The following PKD2L1 variants were observed in gnomAD, a reference collection of about 807,000 sequenced individuals.
PKD2L1 encodes polycystin 2 like 1, transient receptor potential cation channel.
Under a neutral mutation model 93.0 loss-of-function variants are expected in PKD2L1, and 77 were observed. The ratio of observed to expected loss-of-function variants is 0.83; its 90% CI spans 0.69 to 1.00. The LOEUF is 1.00. Ranked by LOEUF, PKD2L1 falls within the 50% of genes least tolerant of loss-of-function variation. PKD2L1 has a pLI of 0.00. For synonymous variants in PKD2L1, 390 were observed against 388.0 expected, an observed-to-expected ratio of 1.01 and a Z score of -0.06; for missense variants, 977 against 990.9, an observed-to-expected ratio of 0.99 and a Z score of 0.19.
chr10:100,289,151 A>G (rs1848347639), intron 14 of PKD2L1, 95 bp from the exon 15 acceptor site: 3 of 834,284 alleles, frequency 3.6e-6, no homozygotes, highest in South Asian at 1.7e-5. Flanking sequence ...TCAGACTGCT[A>G]TAGACTGTTT....
intron 2 of PKD2L1, among the ~76,000 whole-genome samples, chr10:100,311,471 G>C (rs1423400281): frequency 6.6e-6 from 1 of 152,150 alleles, no homozygotes; most frequent in Non-Finnish European, 1.5e-5. Context: ...TCATGAGCTT[G>C]GGTAATAACC....
intron 7 of PKD2L1, among the ~76,000 whole-genome samples, chr10:100,295,638 C>G (rs998653846): frequency 2.8e-5 from 4 of 142,006 alleles, no homozygotes; most frequent in African/African-American, 1.1e-4. Context: ...GAGGCTGAGG[C>G]AGGAGAATTG....
At chr10:100,310,342 C>CAACA (rs113540923) in intron 2 of PKD2L1, among the ~76,000 whole-genome samples, 125 of 152,066 alleles carry the variant, frequency 8.2e-4, no homozygotes, top group African/African-American at 2.6e-3. Flanking sequence ...CTGTCTCAAA[C>CAACA]AACAAACAAA....
At chr10:100,325,378 T>A (rs577668736) in intron 2 of PKD2L1, among the ~76,000 whole-genome samples, 1 of 152,246 alleles carries the variant, frequency 6.6e-6, no homozygotes, top group South Asian at 2.1e-4. Context: ...AGCACCGAAG[T>A]GGCCCTCCTG....
At chr10:100,326,657 A>C (rs1372438238) in intron 2 of PKD2L1, among the ~76,000 whole-genome samples, 1 of 152,210 alleles carries the variant, frequency 6.6e-6, no homozygotes, top group Non-Finnish European at 1.5e-5. Flanking sequence ...GCATTCTGAA[A>C]TTGCTTTTAA....
chr10:100,297,642 G>A, intron 4 of PKD2L1, 36 bp from the exon 5 acceptor site: 1 of 1,512,354 alleles, frequency 6.6e-7, no homozygotes, highest in Non-Finnish European at 9.2e-7. Flanking sequence ...CAGCCCAAAA[G>A]TTCATCTCCC....
intron 2 of PKD2L1, among the ~76,000 whole-genome samples, chr10:100,328,591 C>CTT (rs10685467): frequency 0.71 from 104,245 of 147,140 alleles, 38,980 homozygotes; most frequent in Non-Finnish European, 0.83. Context: ...GTTTTCCACT[C>CTT]TTTTTTTTTT....
intron 2 of PKD2L1, among the ~76,000 whole-genome samples, chr10:100,303,584 C>T (rs575914927): frequency 2.0e-5 from 3 of 152,262 alleles, no homozygotes; most frequent in East Asian, 3.9e-4. Context: ...CTCCCACTTC[C>T]TCATCTGGAA....
intron 2 of PKD2L1, among the ~76,000 whole-genome samples, chr10:100,311,648 G>A (rs1324805126): frequency 3.9e-5 from 6 of 152,128 alleles, no homozygotes; most frequent in Non-Finnish European, 1.5e-5. Context: ...ATAGGCCATC[G>A]TATGCTACTG....
chr10:100,289,337 C>T (rs1343520538), intron 14 of PKD2L1, among the ~76,000 whole-genome samples: 1 of 152,070 alleles, frequency 6.6e-6, no homozygotes. Flanking sequence ...GTCAGGAGTT[C>T]GAGACCAGCC....
Position 100,309,166 on chromosome 10 carries a change from T to C in PKD2L1, c.350-9448A>G, listed in dbSNP as rs1204541243. On this transcript the variant is annotated intron_variant, in intron 2 of 15. Coordinates refer to ENST00000318222, the MANE Select transcript of PKD2L1 (RefSeq NM_016112.3). ...TAAATTATGAGATCACTGAGTCACTTAATGGAATATGATACAGTCATCGAA... is the reference window on the plus strand; with the variant it reads ...TAAATTATGAGATCACTGAGTCACTCAATGGAATATGATACAGTCATCGAA... Among the ~76,000 whole-genome samples, 7 of 152,284 alleles carry C rather than the reference T, an allele frequency of 4.6e-5. No homozygotes were observed. The East Asian group carries it at 1.2e-3, about 25-fold the overall frequency.
intron 2 of PKD2L1, among the ~76,000 whole-genome samples, chr10:100,317,887 G>T (rs745416187): frequency 2.6e-5 from 4 of 152,044 alleles, no homozygotes; most frequent in Non-Finnish European, 5.9e-5. Context: ...AGACCGGCCT[G>T]GCCAACATGG....
intron 2 of PKD2L1, among the ~76,000 whole-genome samples, chr10:100,325,755 G>A (rs1849365105): frequency 6.6e-6 from 1 of 152,188 alleles, no homozygotes; most frequent in South Asian, 2.1e-4. Context: ...CACATTTATA[G>A]TTTTACAGTG....
intron 2 of PKD2L1, among the ~76,000 whole-genome samples, chr10:100,319,872 T>C (rs528558071): frequency 3.9e-5 from 6 of 152,322 alleles, no homozygotes; most frequent in East Asian, 3.9e-4. Flanking sequence ...TAATGTCTCC[T>C]AAAACAAACA....
intron 2 of PKD2L1, among the ~76,000 whole-genome samples, chr10:100,306,364 A>G (rs1430431461): frequency 6.6e-6 from 1 of 152,142 alleles, no homozygotes; most frequent in Non-Finnish European, 1.5e-5. Context: ...ATTCCAAAAT[A>G]GAGAGTAGAA....
intron 9 of PKD2L1, among the ~76,000 whole-genome samples, 178 bp from the exon 10 acceptor site, chr10:100,293,557 G>T (rs1052102308): frequency 1.3e-5 from 2 of 152,114 alleles, no homozygotes; most frequent in Non-Finnish European, 2.9e-5. Flanking sequence ...TTTCAGCACA[G>T]TTCTGTTAGA....
intron 4 of PKD2L1, 95 bp from the exon 5 acceptor site, chr10:100,297,701 ATTGT>A (rs1848581214): frequency 6.0e-6 from 4 of 662,396 alleles, no homozygotes; most frequent in Non-Finnish European, 9.9e-6. Context: ...AGGTTTACAT[ATTGT>A]GTGTGTGTGT....
chr10:100,321,141 G>C (rs956955580), intron 2 of PKD2L1, among the ~76,000 whole-genome samples: 2 of 152,166 alleles, frequency 1.3e-5, no homozygotes, highest in Non-Finnish European at 2.9e-5. Flanking sequence ...TTGAGCTCAG[G>C]AGTTGAAGAT....
chr10:100,309,431 A>G (rs368714493), intron 2 of PKD2L1, among the ~76,000 whole-genome samples: 12 of 152,198 alleles, frequency 7.9e-5, no homozygotes, highest in African/African-American at 2.7e-4. Context: ...TATGTTTCCA[A>G]GTTATAGGCT....
Sources: gnomAD v4.1 joint callset for allele counts (sites outside exome capture counted in the v4.1 genomes callset) on GRCh38, gnomAD v4.1.1 for gene constraint, MANE v1.5 for transcripts, NCBI Gene and HGNC (gene_info 2026-07-23, HGNC 2026-07-21) for gene names.